AKNA: variants seen among roughly 807,000 people sequenced by gnomAD.
AKNA encodes the protein AT-hook transcription factor, also known as microtubule organization protein AKNA.
A neutral mutation model predicts 138.8 loss-of-function variants in AKNA; 67 were observed. The observed-to-expected ratio is 0.48, with a 90% CI of 0.40 to 0.59. The LOEUF (loss-of-function observed/expected upper bound fraction) is 0.59, where lower values mean the gene tolerates loss of function less well. AKNA is among the 20% of genes least tolerant of loss of function. The pLI, the probability that AKNA is intolerant of heterozygous loss-of-function variation, is 0.00. For missense variants in AKNA, 1,813 were observed against 1,880.4 expected, an observed-to-expected ratio of 0.96 and a Z score of 0.66; for synonymous variants, 737 against 754.4, an observed-to-expected ratio of 0.98 and a Z score of 0.38.
At chr9:114,332,464 C>A (rs1332695868), downstream of AKNA, among the ~76,000 whole-genome samples, 2 of 152,072 alleles carry the variant, frequency 1.3e-5, no homozygotes, top group Non-Finnish European at 2.9e-5. Flanking sequence ...TGGCCCTGTG[C>A]CCTAATACCT....
chr9:114,383,088 TCGC>T (rs1833803720), intron 1 of AKNA: 1 of 455,418 alleles, frequency 2.2e-6, no homozygotes, highest in South Asian at 1.6e-5. Context: ...GGGAGTGGTT[TCGC>T]CGCCGATGGC....
downstream of AKNA, chr9:114,331,659 G>C (rs12685968): frequency 1.3e-3 from 2,047 of 1,613,744 alleles, 37 homozygotes; most frequent in East Asian, 0.039. Flanking sequence ...GAAGAACTGG[G>C]GGCTGTCTTT....
chr9:114,338,072 T>G (rs775182593), intron 21 of AKNA, among the ~76,000 whole-genome samples: 62 of 152,174 alleles, frequency 4.1e-4, no homozygotes, highest in Non-Finnish European at 7.8e-4. Flanking sequence ...AGGGTGTGTG[T>G]GGTGGAGGAG....
chr9:114,382,001 C>G (rs1268088485), intron 1 of AKNA, among the ~76,000 whole-genome samples: 1 of 152,118 alleles, frequency 6.6e-6, no homozygotes, highest in Non-Finnish European at 1.5e-5. Context: ...GCCCAGTGGC[C>G]AGTGCACCAA....
At chr9:114,370,939 C>T (rs1589003774) in intron 4 of AKNA, among the ~76,000 whole-genome samples, 1 of 152,240 alleles carries the variant, frequency 6.6e-6, no homozygotes, top group South Asian at 2.1e-4. Flanking sequence ...TACATCATCT[C>T]CGTAATTCCT....
intron 14 of AKNA, 25 bp downstream of exon 14, chr9:114,355,900 G>A: frequency 6.2e-7 from 1 of 1,611,848 alleles, no homozygotes; most frequent in Non-Finnish European, 8.5e-7. Context: ...ATGCAGTTCT[G>A]TCCAAGTCAG....
chr9:114,368,229 GC>G, intron 5 of AKNA: 1 of 467,756 alleles, frequency 2.1e-6, no homozygotes, highest in Non-Finnish European at 3.4e-6. Context: ...AAGTGGCAGG[GC>G]CAGGGCTGCC....
rs201662232 is a variant in AKNA at position 114,376,872 on chromosome 9, A to G, written c.935T>C (p.Ile312Thr). The change falls in exon 3 of 22, where the codon ATT (isoleucine) becomes ACT (threonine). Residue 312 changes from isoleucine to threonine, a missense_variant. Coordinates refer to ENST00000374088, the MANE Select transcript of AKNA (RefSeq NM_001317950.2). ...GGGATTCAGGGGGCTGATGGAGCCAATGAATCGGGAAGGGAGTGGCTTAGG... is the reference window on the plus strand; with the variant it reads ...GGGATTCAGGGGGCTGATGGAGCCAGTGAATCGGGAAGGGAGTGGCTTAGG... ...TSPKPLPSRF[I>T]GSISPLNPQP... 6.7e-4 allele frequency: 1,085 copies of G among 1,614,160 alleles called. 9 individuals are homozygous for G. In the South Asian group the frequency reaches 0.011, roughly 17 times the overall value.
intron 3 of AKNA, among the ~76,000 whole-genome samples, chr9:114,374,606 G>C (rs1833035612): frequency 2.0e-5 from 3 of 152,208 alleles, no homozygotes; most frequent in African/African-American, 7.2e-5. Context: ...ATGGCTAATT[G>C]AATGAATCAC....
At chr9:114,389,605 C>A (rs115053437), upstream of AKNA, among the ~76,000 whole-genome samples, 194 of 151,994 alleles carry the variant, frequency 1.3e-3, 1 homozygote, top group African/African-American at 4.6e-3. Flanking sequence ...TGATGCCTAC[C>A]AAGGGTAGAG....
intron 11 of AKNA, chr9:114,359,091 C>T (rs117528847): frequency 0.02 from 2,996 of 150,126 alleles, 46 homozygotes; most frequent in Middle Eastern, 0.037. Context: ...TTTTTTGAGA[C>T]AGGGTCTCAC....
chr9:114,345,900 T>G lies in AKNA; in HGVS notation c.3624A>C (p.Gly1208=), dbSNP rs987631348. ...RDGKRGVGSA[G]WPDRVTFRGQ... is the part of the protein sequence containing the mutation. ...CCCGGAAGGTGACCCTGTCTGGCCATCCAGCACTGCCCACCCCTCTCTTTC... is the reference window on the plus strand; with the variant it reads ...CCCGGAAGGTGACCCTGTCTGGCCAGCCAGCACTGCCCACCCCTCTCTTTC... The change falls in exon 18 of 22, where the codon GGA becomes GGC. Residue 1208 remains glycine, a synonymous_variant. Transcript: ENST00000374088. 6 of 1,613,956 alleles carry G rather than the reference T, an allele frequency of 3.7e-6. No homozygotes were observed. In the African/African-American group the frequency reaches 5.3e-5, roughly 14 times the overall value.
chr9:114,352,899 C>G (rs1831231700), intron 14 of AKNA, among the ~76,000 whole-genome samples: 2 of 149,148 alleles, frequency 1.3e-5, no homozygotes, highest in African/African-American at 5.0e-5. Context: ...CCAGCCTGGA[C>G]AACAGAGCGA....
chr9:114,340,278 C>T (rs1412331713), intron 21 of AKNA, among the ~76,000 whole-genome samples: 1 of 152,212 alleles, frequency 6.6e-6, no homozygotes, highest in Non-Finnish European at 1.5e-5. Context: ...CTGAAGACAT[C>T]CAGTCCCAAT....
At position 114,336,784 on chromosome 9, in the gene AKNA, G is replaced by A; in HGVS notation, c.*270C>T. The A allele has an allele frequency of 7.4e-6, 3 of 405,972 alleles. No individual in the cohort carries two copies. Among genetic ancestry groups the A allele is most frequent in the Non-Finnish European group, 1.3e-5 (3 of 230,144 alleles). 25.1% of individuals were successfully genotyped at this position (405,972 alleles called of 1,614,324 possible). ...CATGCAGGACCAGGAGAGACTGCCT[G>A]AGGTTCTGCCTGGACCGAAGGAGGC... On this transcript the variant is annotated 3_prime_UTR_variant, in exon 22 of 22. Transcript: ENST00000374088.
rs768389729 is a variant in AKNA at position 114,360,062 on chromosome 9, G to A, written c.2125C>T (p.Pro709Ser). Residue 709 changes from proline to serine, a missense_variant and splice_region_variant, in exon 10 of 22, where the codon CCT becomes TCT. By Grantham distance (74) the Pro-to-Ser change is moderately conservative (BLOSUM62 -1). Coordinates refer to ENST00000374088, the MANE Select transcript of AKNA (RefSeq NM_001317950.2). Reference protein sequence around the residue: ...MPAIKTSCPEPATTTAAASTG... With the variant: ...MPAIKTSCPESATTTAAASTG... ...CTGGCGGCGGCAGTGGTGGTAGCAG[G>A]CTGGGGTCAGAAAGATGGACAGACA... 1.2e-6 allele frequency: 2 copies of A among 1,614,146 alleles called. No individual in the cohort carries two copies. The highest frequency in any genetic ancestry group is 1.7e-6 in the Non-Finnish European group (2 of 1,180,038).
chr9:114,394,506 G>C (rs1834468482), upstream of AKNA: 1 of 152,044 alleles, frequency 6.6e-6, no homozygotes, highest in African/African-American at 2.4e-5. Context: ...CTCCTCCTCT[G>C]TTTAAACTCT....
chr9:114,330,730 G>A, downstream of AKNA: 10 of 1,600,688 alleles, frequency 6.2e-6, no homozygotes, highest in South Asian at 1.1e-5. Flanking sequence ...ACTGTGATGG[G>A]CGATTGGCCA....
downstream of AKNA, chr9:114,331,920 C>T (rs1826232): frequency 0.026 from 42,352 of 1,612,788 alleles, 7,053 homozygotes; most frequent in African/African-American, 0.41. Context: ...TGTACACCGA[C>T]TGGAAAAAGG....
Sources: allele counts gnomAD v4.1 joint callset (sites outside exome capture counted in the v4.1 genomes callset), GRCh38; gene constraint gnomAD v4.1.1; transcripts MANE v1.5; gene names NCBI Gene and HGNC (gene_info 2026-07-23, HGNC 2026-07-21).